NIPBL: variants seen among roughly 807,000 people sequenced by gnomAD.
The protein encoded by NIPBL is NIPBL cohesin loading factor.
NIPBL carries 19 observed loss-of-function variants against 321.8 expected under a neutral mutation model. That is an observed-to-expected ratio of 0.06 (90% CI 0.04 to 0.09). The LOEUF (loss-of-function observed/expected upper bound fraction) is 0.09, where lower values mean the gene tolerates loss of function less well. Ranked by LOEUF, NIPBL falls within the 10% of genes least tolerant of loss-of-function variation. NIPBL has a pLI of 1.00. For synonymous variants in NIPBL, 1,106 were observed against 1,114.1 expected, an observed-to-expected ratio of 0.99 and a Z score of 0.14; for missense variants, 2,210 against 3,327.0, an observed-to-expected ratio of 0.66 and a Z score of 8.26.
intron 12 of NIPBL, 54 bp downstream of exon 12, chr5:37,000,624 T>C: frequency 6.4e-7 from 1 of 1,555,538 alleles, no homozygotes; most frequent in Non-Finnish European, 8.9e-7. Flanking sequence ...AATTTAGGGC[T>C]TTAACTTTGA....
chr5:36,990,677 A>G (rs1310227847), intron 10 of NIPBL, among the ~76,000 whole-genome samples: 2 of 152,160 alleles, frequency 1.3e-5, no homozygotes, highest in Admixed American at 6.5e-5. Flanking sequence ...AGTATTTTGA[A>G]AATTTGTACT....
chr5:36,914,602 C>G (rs1451006860), intron 1 of NIPBL, among the ~76,000 whole-genome samples: 9 of 152,138 alleles, frequency 5.9e-5, no homozygotes, highest in African/African-American at 2.2e-4. Context: ...TGTGTTTAGA[C>G]TTGGGTCCCA....
At chr5:36,959,665 T>C (rs895972149) in intron 4 of NIPBL, among the ~76,000 whole-genome samples, 4 of 152,220 alleles carry the variant, frequency 2.6e-5, no homozygotes, top group Admixed American at 6.5e-5. Flanking sequence ...TAATATTGGA[T>C]AAATGAATCT....
At chr5:37,048,002 A>T (rs1052480084) in intron 38 of NIPBL, among the ~76,000 whole-genome samples, 1 of 152,034 alleles carries the variant, frequency 6.6e-6, no homozygotes, top group African/African-American at 2.4e-5. Context: ...TTTTTTTTTA[A>T]AATAATGTCA....
chr5:37,028,372 T>C (rs1750567015), intron 32 of NIPBL, among the ~76,000 whole-genome samples: 1 of 144,300 alleles, frequency 6.9e-6, no homozygotes, highest in African/African-American at 2.7e-5. Flanking sequence ...AGTCTCACTC[T>C]GTTGCCCAAA....
chr5:37,030,843 C>G (rs942126785), intron 32 of NIPBL, among the ~76,000 whole-genome samples: 6 of 151,206 alleles, frequency 4.0e-5, no homozygotes, highest in African/African-American at 1.5e-4. Flanking sequence ...TGGCCTCAAC[C>G]TCCCTGGCTC....
chr5:36,881,071 C>G (rs978488681), intron 1 of NIPBL, among the ~76,000 whole-genome samples: 3 of 151,920 alleles, frequency 2.0e-5, no homozygotes, highest in African/African-American at 7.2e-5. Context: ...GTTCAAAGTG[C>G]ATTTTTCTTG....
chr5:36,914,201 C>G (rs1748273750), intron 1 of NIPBL, among the ~76,000 whole-genome samples: 1 of 152,246 alleles, frequency 6.6e-6, no homozygotes, highest in African/African-American at 2.4e-5. Context: ...AACTAGTTAC[C>G]TTACCCTACT....
chr5:36,884,184 A>G (rs997633127), intron 1 of NIPBL, among the ~76,000 whole-genome samples: 7 of 151,892 alleles, frequency 4.6e-5, no homozygotes, highest in African/African-American at 1.7e-4. Context: ...TTCACTATCA[A>G]TGTCCATTTC....
At chr5:36,967,363 CCTCA>C (rs1202842085) in intron 6 of NIPBL, among the ~76,000 whole-genome samples, 2 of 152,000 alleles carry the variant, frequency 1.3e-5, no homozygotes, top group East Asian at 3.9e-4. Context: ...AATTCATATA[CCTCA>C]CTCAGTAGTC....
chr5:37,040,760 A>G (rs1370015079), intron 34 of NIPBL, among the ~76,000 whole-genome samples: 2 of 152,184 alleles, frequency 1.3e-5, no homozygotes, highest in African/African-American at 4.8e-5. Context: ...TTTGGTGTTC[A>G]TTTTTAATTG....
intron 6 of NIPBL, among the ~76,000 whole-genome samples, chr5:36,964,822 G>A (rs1012304796): frequency 7.9e-5 from 12 of 152,074 alleles, no homozygotes; most frequent in South Asian, 2.1e-4. Flanking sequence ...AATATATAAG[G>A]AACTCAATAG....
chr5:36,996,687 T>A lies in NIPBL; in HGVS notation c.3304+883T>A, dbSNP rs1293283015. 2 of 347,136 alleles carry A rather than the reference T, an allele frequency of 5.8e-6. No individual in the cohort carries two copies. Among genetic ancestry groups the A allele is most frequent in the Non-Finnish European group, 1.1e-5 (2 of 175,344 alleles). The allele number at this position is 347,136 out of a possible 1,614,324, so 21.5% of individuals were successfully genotyped here. On this transcript the variant is annotated intron_variant, in intron 11 of 46. Coordinates refer to ENST00000282516, the MANE Select transcript of NIPBL (RefSeq NM_133433.4). This position sits in a 1 kb window ranked among gnomAD's most constrained non-coding sequence, Gnocchi z 5.0. ...TAAACGGCATTCAGTGGAAACAGAC[T>A]ATGGGAGATCTTCACTTGTGTGCCA... is the stretch of plus-strand genomic sequence containing the variant.
chr5:36,880,051 C>G (rs1315615707), intron 1 of NIPBL, among the ~76,000 whole-genome samples: 1 of 151,896 alleles, frequency 6.6e-6, no homozygotes, highest in Admixed American at 6.6e-5. Context: ...ACTTGAGATT[C>G]TTTTTAGGGA....
chr5:37,041,252 G>GGT (rs1752313760), intron 34 of NIPBL, among the ~76,000 whole-genome samples: 1 of 63,996 alleles, frequency 1.6e-5, no homozygotes, highest in Non-Finnish European at 2.7e-5. Context: ...TTATGTGGTG[G>GGT]TTTTTTTTTT....
Position 37,024,639 on chromosome 5 carries a change from A to G in NIPBL, c.5629A>G (p.Ile1877Val). The change falls in exon 30 of 47, where the codon ATT (isoleucine) becomes GTT (valine). Residue 1877 changes from isoleucine to valine, a missense_variant. Ile to Val is a conservative substitution (Grantham distance 29). This residue lies in a region of NIPBL where 49 missense variants were observed against 163.6 expected (regional missense o/e 0.30). Transcript: ENST00000282516. ...AATAAAGATTCTCAGAGACATTTGT[A>G]TTGAACAACCAACATTTCCAAAAAT... ...RVIKILRDICIEQPTFPKITE... is the reference protein window; with the variant it reads ...RVIKILRDICVEQPTFPKITE... 6.2e-7 allele frequency: 1 copy of G among 1,611,110 alleles called. No individual in the cohort carries two copies. Among genetic ancestry groups the G allele is most frequent in the Non-Finnish European group, 8.5e-7 (1 of 1,177,746 alleles).
chr5:37,063,994 AGTCAAC>A lies in NIPBL; in HGVS notation c.8049+19_8049+24del. 1 of 1,613,508 alleles carries A rather than the reference AGTCAAC, an allele frequency of 6.2e-7. No homozygotes were observed. On this transcript the variant is annotated intron_variant, in intron 46 of 46. Coordinates refer to ENST00000282516, the MANE Select transcript of NIPBL (RefSeq NM_133433.4). ...CACTTCAGGGGTGAGGCGGAGGAGG[AGTCAAC>A]GTATTTCGCAGCGTATTACGTAAAA...
At chr5:36,934,707 G>T (rs965807676) in intron 1 of NIPBL, among the ~76,000 whole-genome samples, 1 of 151,916 alleles carries the variant, frequency 6.6e-6, no homozygotes, top group African/African-American at 2.4e-5. Context: ...AGAATTTGTA[G>T]TGCCAAAAAA....
At chr5:36,955,659 T>G (rs1356219691) in intron 3 of NIPBL, 22 bp downstream of exon 3, 2 of 1,605,290 alleles carry the variant, frequency 1.2e-6, no homozygotes. Context: ...CAATTTTATA[T>G]CTACTATAAG....
Sources: allele counts gnomAD v4.1 joint callset (sites outside exome capture counted in the v4.1 genomes callset), GRCh38; gene constraint gnomAD v4.1.1; regional missense constraint gnomAD v4.1.1; non-coding constraint Gnocchi (gnomAD v3.1); transcripts MANE v1.5; gene names NCBI Gene and HGNC (gene_info 2026-07-23, HGNC 2026-07-21).